Variants in IRF5 observed in about 807,000 individuals in gnomAD.
IRF5 encodes interferon regulatory factor 5.
In IRF5, 24 loss-of-function variants were observed where a neutral mutation model predicts 55.1. The ratio of observed to expected loss-of-function variants is 0.44; its 90% CI spans 0.32 to 0.61. The LOEUF (loss-of-function observed/expected upper bound fraction) is 0.61, where lower values mean the gene tolerates loss of function less well. IRF5 is among the 20% of genes least tolerant of loss of function. The pLI, the probability that IRF5 is intolerant of heterozygous loss-of-function variation, is 0.07. For synonymous variants in IRF5, 258 were observed against 260.2 expected, an observed-to-expected ratio of 0.99 and a Z score of 0.08; for missense variants, 499 against 658.5, an observed-to-expected ratio of 0.76 and a Z score of 2.65.
At chr7:128,937,408 T>C (rs989705225), upstream of IRF5, among the ~76,000 whole-genome samples, 2 of 152,096 alleles carry the variant, frequency 1.3e-5, no homozygotes, top group African/African-American at 4.8e-5. Context: ...GGAAGGCGAC[T>C]TAGGGGAGCT....
At chr7:128,944,994 T>C (rs1796222644) in intron 2 of IRF5, among the ~76,000 whole-genome samples, 1 of 152,190 alleles carries the variant, frequency 6.6e-6, no homozygotes, top group African/African-American at 2.4e-5. Flanking sequence ...GGTTAAAAGG[T>C]AGAAAGAAAT....
intron 2 of IRF5, chr7:128,943,176 A>C: frequency 4.4e-6 from 1 of 228,334 alleles, no homozygotes; most frequent in Non-Finnish European, 9.1e-6. Flanking sequence ...CTGGGATTAC[A>C]GGTGCCTGCC....
At chr7:128,940,502 C>G (rs538614040) in intron 1 of IRF5, 1 of 152,476 alleles carries the variant, frequency 6.6e-6, no homozygotes, top group African/African-American at 2.4e-5. Flanking sequence ...ACTAAATGCA[C>G]AAAAACTGTC....
chr7:128,938,338 G>A (rs142029795), intron 1 of IRF5: 3,100 of 152,454 alleles, frequency 0.02, 51 homozygotes, highest in Non-Finnish European at 0.034. Flanking sequence ...CGCCCGGGGA[G>A]CCCAGTGACC....
At chr7:128,938,649 C>T (rs1795861651) in intron 1 of IRF5, among the ~76,000 whole-genome samples, 1 of 152,182 alleles carries the variant, frequency 6.6e-6, no homozygotes, top group Non-Finnish European at 1.5e-5. Context: ...TCCCTGGGCT[C>T]GCGGCCGGGA....
chr7:128,941,543 C>T (rs1023337544), intron 1 of IRF5: 1 of 152,526 alleles, frequency 6.6e-6, no homozygotes, highest in Admixed American at 6.5e-5. Context: ...CCGGAGGGAA[C>T]TCTCAGGGGA....
Position 128,948,493 on chromosome 7 carries a change from CT to C in IRF5, c.1300-79del. The C allele has an allele frequency of 6.3e-7, 1 of 1,575,682 alleles. No homozygotes were observed. Among genetic ancestry groups the C allele is most frequent in the Non-Finnish European group, 8.6e-7 (1 of 1,159,034 alleles). ...GGAGAATGCGGTCTATTACTCACCC[CT>C]GATGGCTGTCCTCATGCACAGCTGG... is the stretch of plus-strand genomic sequence containing the variant. On this transcript the variant is annotated intron_variant, in intron 8 of 8. Coordinates refer to ENST00000357234, the MANE Select transcript of IRF5 (RefSeq NM_001098629.3). This position sits in a 1 kb window ranked among gnomAD's most constrained non-coding sequence, Gnocchi z 4.6.
rs1159281781 is a variant in IRF5 at position 128,946,876 on chromosome 7, G to A, written c.448-147G>A. On this transcript the variant is annotated intron_variant, in intron 4 of 8. Coordinates refer to ENST00000357234, the MANE Select transcript of IRF5 (RefSeq NM_001098629.3). The surrounding 1 kb of genome is among the most constrained non-coding windows in gnomAD (Gnocchi z 4.2). ...GCCTGGGATGGACGAGCTGGGACCG[G>A]AGGCAGGGTCTTGCCTGAGCTAAAC... 2.9e-5 allele frequency: 28 copies of A among 958,254 alleles called. No individual in the cohort carries two copies. The highest frequency in any genetic ancestry group is 3.1e-4 in the Middle Eastern group (1 of 3,222). 59.4% of individuals were successfully genotyped at this position (958,254 alleles called of 1,614,324 possible).
chr7:128,947,935 C>G lies in IRF5; in HGVS notation c.994C>G (p.Gln332Glu). 6.2e-7 allele frequency: 1 copy of G among 1,614,138 alleles called. No homozygotes were observed. The highest frequency in any genetic ancestry group is 1.1e-5 in the South Asian group (1 of 91,082). Residue 332 changes from glutamine to glutamate, a missense_variant, in exon 7 of 9, where the codon CAG (glutamine) becomes GAG (glutamate). By Grantham distance (29) the Gln-to-Glu change is conservative. Transcript: ENST00000357234. This position sits in a 1 kb window ranked among gnomAD's most constrained non-coding sequence, Gnocchi z 6.5. Reference protein sequence around the residue: ...PSDKQRFYTNQLLDVLDRGLI... With the variant: ...PSDKQRFYTNELLDVLDRGLI... The stretch of plus-strand genomic sequence containing the variant: ...TGACAAGCAGCGCTTCTACACGAAC[C>G]AGCTGCTGGATGTCCTGGACCGCGG...
intron 1 of IRF5, chr7:128,941,211 G>C (rs1333819967): frequency 6.6e-6 from 1 of 152,562 alleles, no homozygotes; most frequent in Admixed American, 6.5e-5. Context: ...GTGAAGCTGT[G>C]GCCTGGGAGG....
At position 128,947,529 on chromosome 7, in the gene IRF5, C is replaced by A; in HGVS notation, c.781C>A (p.Leu261Met). 6.4e-7 allele frequency: 1 copy of A among 1,560,372 alleles called. No homozygotes were observed. The highest frequency in any genetic ancestry group is 8.6e-7 in the Non-Finnish European group (1 of 1,160,330). The change falls in exon 6 of 9, where the codon CTG becomes ATG. Residue 261 changes from leucine (L) to methionine (M), a missense_variant. This residue lies in a region of IRF5 where 305 missense variants were observed against 340.2 expected (regional missense o/e 0.90). Transcript: ENST00000357234. The surrounding 1 kb of genome is among the most constrained non-coding windows in gnomAD (Gnocchi z 6.5). Reference protein sequence around the residue: ...LPDLLISPHMLPLTDLEIKFQ... With the variant: ...LPDLLISPHMMPLTDLEIKFQ... ...AGACCTGCTGATCAGCCCCCACATG[C>A]TGCCTCGTAAGGACCCATGGCTGGG... is the stretch of plus-strand genomic sequence containing the variant.
At chr7:128,937,164 A>G (rs949116619), upstream of IRF5, among the ~76,000 whole-genome samples, 1 of 152,244 alleles carries the variant, frequency 6.6e-6, no homozygotes, top group African/African-American at 2.4e-5. Context: ...GGGGAAGTCA[A>G]GGCAGACTTT....
Position 128,948,256 on chromosome 7 carries a change from C to A in IRF5, c.1227C>A (p.Phe409Leu), listed in dbSNP as rs756068460. The change falls in exon 8 of 9, where the codon TTC (phenylalanine) becomes TTA (leucine). Residue 409 changes from phenylalanine to leucine, a missense_variant. Phe to Leu is a conservative substitution (Grantham distance 22, BLOSUM62 0). Transcript: ENST00000357234. The surrounding 1 kb of genome is among the most constrained non-coding windows in gnomAD (Gnocchi z 4.6). ...QKGQTNTPPP[F>L]EIFFCFGEEW... ...GCCAGACCAACACCCCACCACCCTTCGAGATCTTCTTCTGCTTTGGGGAAG... is the reference window on the plus strand; with the variant it reads ...GCCAGACCAACACCCCACCACCCTTAGAGATCTTCTTCTGCTTTGGGGAAG... 6.2e-7 allele frequency: 1 copy of A among 1,613,862 alleles called. No homozygotes were observed. Among genetic ancestry groups the A allele is most frequent in the Non-Finnish European group, 8.5e-7 (1 of 1,179,912 alleles).
In IRF5 at chr7:128,947,133, G is replaced by A. The variant is rs780657198; in HGVS notation, c.481+77G>A. 1 of 1,612,988 alleles carries A rather than the reference G, an allele frequency of 6.2e-7. No homozygotes were observed. On this transcript the variant is annotated intron_variant, in intron 5 of 8. Coordinates refer to ENST00000357234, the MANE Select transcript of IRF5 (RefSeq NM_001098629.3). The surrounding 1 kb of genome is among the most constrained non-coding windows in gnomAD (Gnocchi z 6.5). ...TACCATAGGTACCTGGAAGGGGGCT[G>A]ATGGGAGGCTAGGGTGGCCCAGGGC...
intron 2 of IRF5, among the ~76,000 whole-genome samples, chr7:128,945,080 T>C (rs1448253570): frequency 6.6e-6 from 1 of 152,206 alleles, no homozygotes; most frequent in Non-Finnish European, 1.5e-5. Context: ...CTGTCCTATG[T>C]GCAGGTTTAG....
Position 128,948,466 on chromosome 7 carries a change from C to A in IRF5, c.1300-107C>A, listed in dbSNP as rs1425259936. 6 of 1,510,560 alleles carry A rather than the reference C, an allele frequency of 4.0e-6. No homozygotes were observed. The South Asian group carries it at 7.4e-5, about 19-fold the overall frequency. The allele number at this position is 1,510,560 out of a possible 1,614,324, so 93.6% of individuals were successfully genotyped here. On this transcript the variant is annotated intron_variant, in intron 8 of 8. Transcript: ENST00000357234. The surrounding 1 kb of genome is among the most constrained non-coding windows in gnomAD (Gnocchi z 4.6). ...GGCCAGAGACCATCAAGGCTCAGAG[C>A]CGGAGAATGCGGTCTATTACTCACC...
Position 128,948,890 on chromosome 7 carries a change from C to T in IRF5, c.*72C>T. The T allele has an allele frequency of 2.0e-6, 3 of 1,530,606 alleles. No individual in the cohort carries two copies. In the South Asian group the frequency reaches 3.7e-5, roughly 19 times the overall value. The allele number at this position is 1,530,606 out of a possible 1,614,324, so 94.8% of individuals were successfully genotyped here. A position where few individuals can be genotyped will look rare whatever the true frequency, so the allele number is the denominator to read the frequency against. ...GGACTGATGTGGAGATGTGACAGCCCCGATGAGCACCTGGCTGGCTGCAGG... is the reference window on the plus strand; with the variant it reads ...GGACTGATGTGGAGATGTGACAGCCTCGATGAGCACCTGGCTGGCTGCAGG... On this transcript the variant is annotated 3_prime_UTR_variant, in exon 9 of 9. Coordinates refer to ENST00000357234, the MANE Select transcript of IRF5 (RefSeq NM_001098629.3). The surrounding 1 kb of genome is among the most constrained non-coding windows in gnomAD (Gnocchi z 4.6).
chr7:128,947,313 A>T lies in IRF5; in HGVS notation c.565A>T (p.Thr189Ser). The T allele has an allele frequency of 4.8e-6, 2 of 417,826 alleles. No homozygotes were observed. The highest frequency in any genetic ancestry group is 6.8e-6 in the Non-Finnish European group (2 of 295,136). 25.9% of individuals were successfully genotyped at this position (417,826 alleles called of 1,614,324 possible). Residue 189 changes from threonine to serine, a missense_variant, in exon 6 of 9, where the codon ACT becomes TCT. This residue lies in a region of IRF5 where 305 missense variants were observed against 340.2 expected (regional missense o/e 0.90). Coordinates refer to ENST00000357234, the MANE Select transcript of IRF5 (RefSeq NM_001098629.3). This position sits in a 1 kb window ranked among gnomAD's most constrained non-coding sequence, Gnocchi z 6.5. ...GTGGCCGCCCACTCTGCAGCCGCCC[A>T]CTCTGCGGCCGCCTACTCTGCAGCC... is the stretch of plus-strand genomic sequence containing the variant. Reference protein sequence around the residue: ...VKWPPTLQPPTLRPPTLQPPT... With the variant: ...VKWPPTLQPPSLRPPTLQPPT...
At position 128,948,511 on chromosome 7, in the gene IRF5, CA is replaced by C; in HGVS notation, c.1300-61del. ...CTCACCCCTGATGGCTGTCCTCATG[CA>C]CAGCTGGATCTGGCAGCCCTGCCAC... On this transcript the variant is annotated intron_variant, in intron 8 of 8. Coordinates refer to ENST00000357234, the MANE Select transcript of IRF5 (RefSeq NM_001098629.3). The surrounding 1 kb of genome is among the most constrained non-coding windows in gnomAD (Gnocchi z 4.6). The C allele has an allele frequency of 6.3e-7, 1 of 1,596,154 alleles. No individual in the cohort carries two copies. The highest frequency in any genetic ancestry group is 8.5e-7 in the Non-Finnish European group (1 of 1,171,680).
Sources: allele counts gnomAD v4.1 joint callset (sites outside exome capture counted in the v4.1 genomes callset), GRCh38; gene constraint gnomAD v4.1.1; regional missense constraint gnomAD v4.1.1; non-coding constraint Gnocchi (gnomAD v3.1); transcripts MANE v1.5; gene names NCBI Gene and HGNC (gene_info 2026-07-23, HGNC 2026-07-21).